Variants in MBD5 observed in about 807,000 individuals in gnomAD.
MBD5 encodes the protein methyl-CpG-binding domain protein 5.
Under a neutral mutation model 117.3 loss-of-function variants are expected in MBD5, and 13 were observed. The ratio of observed to expected loss-of-function variants is 0.11; its 90% CI spans 0.07 to 0.18. The LOEUF (loss-of-function observed/expected upper bound fraction) is 0.18, where lower values mean the gene tolerates loss of function less well. Among genes scored for constraint, MBD5 ranks in the 10% least tolerant of loss-of-function variants. The pLI, the probability that MBD5 is intolerant of heterozygous loss-of-function variation, is 1.00. For missense variants in MBD5, 1,879 were observed against 2,093.8 expected (o/e 0.90, Z 2.00); for synonymous variants, 727 against 766.4 (o/e 0.95, Z 0.85).
At chr2:148,274,445 C>A (rs1390406161) in intron 3 of MBD5, among the ~76,000 whole-genome samples, 1 of 145,226 alleles carries the variant, frequency 6.9e-6, no homozygotes, top group East Asian at 2.3e-4. Flanking sequence ...CGACCTTTAA[C>A]TTTAGATTAA....
chr2:148,209,797 G>A (rs1471403438), intron 2 of MBD5, among the ~76,000 whole-genome samples: 1 of 151,938 alleles, frequency 6.6e-6, no homozygotes, highest in Non-Finnish European at 1.5e-5. Flanking sequence ...GGCGGGGGGA[G>A]GTGCTACATA....
At chr2:148,052,675 A>C (rs1694749137) in intron 1 of MBD5, among the ~76,000 whole-genome samples, 1 of 152,070 alleles carries the variant, frequency 6.6e-6, no homozygotes, top group South Asian at 2.1e-4. Context: ...ATTTAGGAGT[A>C]TGTTGTTGAA....
Position 148,463,849 on chromosome 2 carries a change from G to A in MBD5, c.327G>A (p.Val109=), listed in dbSNP as rs760258675. ...LCIHKRKIIA[V]ATLHKSMEAP... ...TACATAAAAGAAAAATTATTGCAGT[G>A]GCCACACTTCATAAAAGCATGGAAG... The change falls in exon 7 of 14, where the codon GTG becomes GTA. Residue 109 remains valine, a synonymous_variant. Transcript: ENST00000642680. The A allele has an allele frequency of 5.6e-6, 9 of 1,613,566 alleles. No individual in the cohort carries two copies. The African/African-American group carries it at 1.1e-4, about 19-fold the overall frequency.
intron 2 of MBD5, among the ~76,000 whole-genome samples, chr2:148,190,870 T>G (rs1401779109): frequency 2.2e-5 from 2 of 91,404 alleles, no homozygotes; most frequent in Admixed American, 1.3e-4. Flanking sequence ...CCATCTCACG[T>G]GCAGAGACAC....
chr2:148,191,727 AG>A (rs1470710814), intron 2 of MBD5, among the ~76,000 whole-genome samples: 1 of 54,096 alleles, frequency 1.8e-5, no homozygotes, highest in Non-Finnish European at 3.4e-5. Context: ...CACATTCAAA[AG>A]CTAGCAGAAG....
At chr2:148,413,922 A>T (rs1355879387) in intron 4 of MBD5, among the ~76,000 whole-genome samples, 1 of 149,710 alleles carries the variant, frequency 6.7e-6, no homozygotes, top group Non-Finnish European at 1.5e-5. Flanking sequence ...AAAAAAAAAA[A>T]AGCCACCTTT....
At chr2:148,416,815 G>C (rs11900523) in intron 4 of MBD5, among the ~76,000 whole-genome samples, 3,835 of 151,904 alleles carry the variant, frequency 0.025, 130 homozygotes, top group African/African-American at 0.087. Context: ...ATACCACACT[G>C]TATGCCTTTG....
intron 1 of MBD5, among the ~76,000 whole-genome samples, chr2:148,139,496 G>A (rs1315851217): frequency 2.4e-4 from 36 of 152,196 alleles, no homozygotes; most frequent in Admixed American, 2.4e-3. Flanking sequence ...ACAGGCGTGA[G>A]CCACTGTGCC....
At chr2:148,394,238 C>G (rs1332766024) in intron 4 of MBD5, among the ~76,000 whole-genome samples, 3 of 152,024 alleles carry the variant, frequency 2.0e-5, no homozygotes, top group Non-Finnish European at 4.4e-5. Flanking sequence ...AGCTTTTGCT[C>G]TTTCTATGTT....
chr2:148,063,939 C>T (rs1216273669), intron 1 of MBD5, among the ~76,000 whole-genome samples: 2 of 151,970 alleles, frequency 1.3e-5, no homozygotes, highest in Non-Finnish European at 2.9e-5. Flanking sequence ...CTAGTTTTCT[C>T]CTACCATTGC....
rs1052546392 is a variant in MBD5 at position 148,296,487 on chromosome 2, C to T, written c.-679-45727C>T. The T allele has an allele frequency of 5.7e-5, 9 of 157,244 alleles. No homozygotes were observed. The East Asian group carries it at 7.5e-4, about 13-fold the overall frequency. The allele number at this position is 157,244 out of a possible 1,614,324, so 9.7% of individuals were successfully genotyped here. ...CCTGAAATGGATGACAAAAATAAAG[C>T]GCATGAAGAACTGAATTCCCAAAAT... On this transcript the variant is annotated intron_variant, in intron 3 of 13. Transcript: ENST00000642680.
intron 3 of MBD5, among the ~76,000 whole-genome samples, chr2:148,235,392 A>G (rs1700070532): frequency 6.6e-6 from 1 of 152,176 alleles, no homozygotes; most frequent in Admixed American, 6.6e-5. Flanking sequence ...TATCAATGGT[A>G]TATAGCTTTA....
chr2:148,442,571 G>T (rs1706360374), intron 4 of MBD5, among the ~76,000 whole-genome samples: 1 of 151,120 alleles, frequency 6.6e-6, no homozygotes, highest in Non-Finnish European at 1.5e-5. Flanking sequence ...AATTACCAGA[G>T]AAAGAAAGAT....
chr2:148,424,605 T>C lies in MBD5; in HGVS notation c.-556-33598T>C, dbSNP rs755119599. Among the ~76,000 whole-genome samples, 14 of 152,056 alleles carry C rather than the reference T, an allele frequency of 9.2e-5. 1 individual carries two copies. The highest frequency in any genetic ancestry group is 2.0e-4 in the Admixed American group (3 of 15,240). ...CATTCTTCTCACCACCACATCACACTTATTCTAAAATTAACCACATAATTG... is the reference window on the plus strand; with the variant it reads ...CATTCTTCTCACCACCACATCACACCTATTCTAAAATTAACCACATAATTG... On this transcript the variant is annotated intron_variant, in intron 4 of 13. Coordinates refer to ENST00000642680, the MANE Select transcript of MBD5 (RefSeq NM_001378120.1).
intron 1 of MBD5, among the ~76,000 whole-genome samples, chr2:148,101,000 T>C (rs1696198905): frequency 6.6e-6 from 1 of 152,220 alleles, no homozygotes; most frequent in East Asian, 1.9e-4. Flanking sequence ...AACAAATCTA[T>C]ATTCCACTGC....
rs532753039 is a variant in MBD5, at chr2:148,276,343, T to G, written c.-680+42948T>G. Among the ~76,000 whole-genome samples, 46 of 152,202 alleles carry G rather than the reference T, an allele frequency of 3.0e-4. No individual in the cohort carries two copies. The Middle Eastern group carries it at 0.027, about 90-fold the overall frequency. On this transcript the variant is annotated intron_variant, in intron 3 of 13. Transcript: ENST00000642680. ...TAAAATAAATAAATAAAAATAGAAC[T>G]TTATTTAGAAAAATGTCAAAGCTAT...
intron 1 of MBD5, among the ~76,000 whole-genome samples, chr2:148,120,153 A>G (rs1364393557): frequency 1.3e-5 from 2 of 152,090 alleles, no homozygotes; most frequent in African/African-American, 2.4e-5. Flanking sequence ...GGCCCAGGCA[A>G]TCCTTTTGCG....
At chr2:148,242,186 A>G (rs1411014991) in intron 3 of MBD5, among the ~76,000 whole-genome samples, 2 of 152,274 alleles carry the variant, frequency 1.3e-5, no homozygotes, top group South Asian at 2.1e-4. Context: ...CACATAACCT[A>G]GAAGTTGACA....
chr2:148,121,379 T>G (rs1476329983), intron 1 of MBD5, among the ~76,000 whole-genome samples: 1 of 152,144 alleles, frequency 6.6e-6, no homozygotes, highest in Non-Finnish European at 1.5e-5. Flanking sequence ...AAATAAGATT[T>G]TATTTAAAGC....
Sources: gnomAD v4.1 joint callset for allele counts (sites outside exome capture counted in the v4.1 genomes callset) on GRCh38, gnomAD v4.1.1 for gene constraint, MANE v1.5 for transcripts, NCBI Gene and HGNC (gene_info 2026-07-23, HGNC 2026-07-21) for gene names.